VANGL1: variants seen among roughly 807,000 people sequenced by gnomAD.
The protein encoded by VANGL1 is vang-like protein 1.
In VANGL1, 18 loss-of-function variants were observed where a neutral mutation model predicts 48.4. The ratio of observed to expected loss-of-function variants is 0.37; its 90% confidence interval spans 0.26 to 0.55. VANGL1 has a LOEUF of 0.55. Ranked by LOEUF, VANGL1 falls within the 20% of genes least tolerant of loss-of-function variation. The pLI is 0.81. For missense variants in VANGL1, 667 were observed against 675.8 expected (o/e 0.99, Z 0.14); for synonymous variants, 257 against 261.8 (o/e 0.98, Z 0.18).
chr1:115,656,890 C>T (rs1047882675), intron 2 of VANGL1, among the ~76,000 whole-genome samples: 1 of 152,192 alleles, frequency 6.6e-6, no homozygotes, highest in African/African-American at 2.4e-5. Flanking sequence ...ACCCATGGGA[C>T]TAGTGAATAG....
At chr1:115,644,222 G>A (rs142063676) in intron 1 of VANGL1, among the ~76,000 whole-genome samples, 7 of 152,344 alleles carry the variant, frequency 4.6e-5, no homozygotes, top group Admixed American at 2.6e-4. Context: ...CCTGGCTCCT[G>A]TGGCAGTCTG....
rs929590997 is a variant in VANGL1, at chr1:115,698,157, T to C, written c.*6778T>C. The C allele has an allele frequency of 6.6e-6, 1 of 152,240 alleles. No homozygotes were observed. The highest frequency in any genetic ancestry group is 1.5e-5 in the Non-Finnish European group (1 of 68,050). The allele number at this position is 152,240 out of a possible 1,614,324, so 9.4% of individuals were successfully genotyped here. A position where few individuals can be genotyped will look rare whatever the true frequency, so the allele number is the denominator to read the frequency against. On this transcript the variant is annotated 3_prime_UTR_variant, in exon 8 of 8. Coordinates refer to ENST00000355485, the MANE Select transcript of VANGL1 (RefSeq NM_138959.3). ...TAATCCCCCCCTCATCCCAATTAACTGTAAAATGTTTTACACATCACATTT... is the reference window on the plus strand; with the variant it reads ...TAATCCCCCCCTCATCCCAATTAACCGTAAAATGTTTTACACATCACATTT...
chr1:115,674,116 C>A (rs183726316), intron 4 of VANGL1, among the ~76,000 whole-genome samples: 1 of 152,304 alleles, frequency 6.6e-6, no homozygotes, highest in East Asian at 1.9e-4. Context: ...AGGATTAACA[C>A]CAGCCTGTTT....
rs367774972 is a variant in VANGL1 at position 115,682,490 on chromosome 1, T to G, written c.939T>G (p.Asn313Lys). The change falls in exon 5 of 8, where the codon AAT becomes AAG. Residue 313 changes from asparagine (N) to lysine (K), a missense_variant. By Grantham distance (94) the Asn-to-Lys change is moderately conservative. Transcript: ENST00000355485. ...ATATGGCCGGGCTGAAAGTCTACAA[T>G]GTAGATGGTATGTGCCTTGAAAGGG... ...AKHMAGLKVY[N>K]VDGPSNNATG... The G allele has an allele frequency of 2.8e-5, 46 of 1,614,038 alleles. No homozygotes were observed. In the African/African-American group the frequency reaches 5.3e-4, roughly 19 times the overall value.
intron 4 of VANGL1, 147 bp from the exon 5 acceptor site, chr1:115,682,217 C>A: frequency 8.5e-7 from 1 of 1,170,322 alleles, no homozygotes; most frequent in Non-Finnish European, 1.2e-6. Flanking sequence ...TCCTGGAGAC[C>A]AGAAGTGTGG....
At position 115,666,591 on chromosome 1, in the gene VANGL1, A is replaced by C. The variant is rs78711520; in HGVS notation, c.812+2323A>C. Among the ~76,000 whole-genome samples the C allele has an allele frequency of 6.9e-3, 1,056 of 152,232 alleles. 9 individuals are homozygous for C. Among genetic ancestry groups the C allele is most frequent in the African/African-American group, 0.024 (1,006 of 41,542 alleles). On this transcript the variant is annotated intron_variant, in intron 4 of 7. Coordinates refer to ENST00000355485, the MANE Select transcript of VANGL1 (RefSeq NM_138959.3). ...GTCCAGGCTTTAAAAAACTCAAGTC[A>C]GTCACCCCAGCTCCCCAGGGAGAAC...
At chr1:115,667,874 A>G (rs1402766627) in intron 4 of VANGL1, among the ~76,000 whole-genome samples, 1 of 152,268 alleles carries the variant, frequency 6.6e-6, no homozygotes, top group Non-Finnish European at 1.5e-5. Flanking sequence ...CTAAAGGGAA[A>G]TAAGTGTGAA....
intron 7 of VANGL1, among the ~76,000 whole-genome samples, chr1:115,688,813 G>A (rs55646107): frequency 0.22 from 27,393 of 125,486 alleles, 6,542 homozygotes; most frequent in East Asian, 0.29. Flanking sequence ...TCTTTGAGAC[G>A]GAGTCTCACT....
At chr1:115,654,356 G>A (rs1652263827) in intron 2 of VANGL1, among the ~76,000 whole-genome samples, 1 of 151,834 alleles carries the variant, frequency 6.6e-6, no homozygotes, top group African/African-American at 2.4e-5. Context: ...TCAGTGGCCT[G>A]GTTTTGCGAT....
chr1:115,651,260 T>A lies in VANGL1; in HGVS notation c.-137-17T>A. On this transcript the variant is annotated splice_polypyrimidine_tract_variant and intron_variant, in intron 1 of 7. Transcript: ENST00000355485. ...GCTCTGAAGATTAATGTCTTTTTTTTTCCCCCTCTTTCCCAGAATTTGTTC... is the reference window on the plus strand; with the variant it reads ...GCTCTGAAGATTAATGTCTTTTTTTATCCCCCTCTTTCCCAGAATTTGTTC... 1 of 661,496 alleles carries A rather than the reference T, an allele frequency of 1.5e-6. No individual in the cohort carries two copies. 41.0% of individuals were successfully genotyped at this position (661,496 alleles called of 1,614,324 possible).
chr1:115,690,154 A>G (rs1653779025), intron 7 of VANGL1, among the ~76,000 whole-genome samples: 1 of 85,722 alleles, frequency 1.2e-5, no homozygotes, highest in African/African-American at 4.6e-5. Flanking sequence ...GAAACAAAAC[A>G]TACTTCCTGC....
intron 2 of VANGL1, among the ~76,000 whole-genome samples, chr1:115,657,013 T>A (rs1167055726): frequency 6.6e-6 from 1 of 152,234 alleles, no homozygotes; most frequent in Non-Finnish European, 1.5e-5. Flanking sequence ...ATTGTCCATC[T>A]GGCCGATGGC....
rs1651752506 is a variant in VANGL1, at chr1:115,642,048, G to T, written c.-176G>T. The T allele has an allele frequency of 6.6e-6, 1 of 151,506 alleles. No individual in the cohort carries two copies. Among genetic ancestry groups the T allele is most frequent in the South Asian group, 2.0e-4 (1 of 5,084 alleles). The allele number at this position is 151,506 out of a possible 1,614,324, so 9.4% of individuals were successfully genotyped here. On this transcript the variant is annotated 5_prime_UTR_variant, in exon 1 of 8. Coordinates refer to ENST00000355485, the MANE Select transcript of VANGL1 (RefSeq NM_138959.3). Reference sequence around the variant, plus strand: ...CGCAGAGCCGGGGCCGCTGTGAGCCGAGACCGCGGGCCGCGGAGCTCGGGC... The same window carrying T: ...CGCAGAGCCGGGGCCGCTGTGAGCCTAGACCGCGGGCCGCGGAGCTCGGGC...
Position 115,689,541 on chromosome 1 carries a change from G to T in VANGL1, c.1315-1578G>T, listed in dbSNP as rs780602763. 3.6e-5 allele frequency among the ~76,000 whole-genome samples: 5 copies of T among 137,296 alleles called. 1 individual carries two copies. The highest frequency in any genetic ancestry group is 7.9e-5 in the Non-Finnish European group (5 of 62,936). The allele number at this position is 137,296 out of a possible 152,430, so 90.1% of individuals were successfully genotyped here. ...AATCCCAGCTACTCAGGAGACTGAG[G>T]CAGGAGAATTGCTTGAAACGGGAGG... On this transcript the variant is annotated intron_variant, in intron 7 of 7. Coordinates refer to ENST00000355485, the MANE Select transcript of VANGL1 (RefSeq NM_138959.3).
intron 3 of VANGL1, among the ~76,000 whole-genome samples, chr1:115,660,975 G>A (rs1000392615): frequency 2.0e-5 from 3 of 152,140 alleles, no homozygotes; most frequent in Non-Finnish European, 4.4e-5. Flanking sequence ...GTTTCCTCCT[G>A]GATGTGGGTT....
intron 4 of VANGL1, among the ~76,000 whole-genome samples, chr1:115,668,936 C>G (rs1652883321): frequency 6.6e-6 from 1 of 152,198 alleles, no homozygotes; most frequent in Non-Finnish European, 1.5e-5. Flanking sequence ...ACAGCCCTAT[C>G]CCACATTTAA....
intron 4 of VANGL1, among the ~76,000 whole-genome samples, chr1:115,677,048 C>T (rs539875658): frequency 6.6e-6 from 1 of 152,346 alleles, no homozygotes; most frequent in Admixed American, 6.5e-5. Flanking sequence ...TTGCACTGTG[C>T]GTGCCTCCTC....
rs930883920 is a variant in VANGL1 at position 115,683,970 on chromosome 1, T to G, written c.973T>G (p.Ser325Ala). ...DGPSNNATGQSRAMIAAAARR... is the reference protein window; with the variant it reads ...DGPSNNATGQARAMIAAAARR... ...CCCCAGTAACAATGCCACTGGCCAGTCCCGGGCCATGATTGCTGCAGCTGC... is the reference window on the plus strand; with the variant it reads ...CCCCAGTAACAATGCCACTGGCCAGGCCCGGGCCATGATTGCTGCAGCTGC... The change falls in exon 6 of 8, where the codon TCC becomes GCC. Residue 325 changes from serine to alanine, a missense_variant. Ser to Ala is a moderately conservative substitution (Grantham distance 99). Transcript: ENST00000355485. 1 of 1,613,724 alleles carries G rather than the reference T, an allele frequency of 6.2e-7. No individual in the cohort carries two copies. Among genetic ancestry groups the G allele is most frequent in the African/African-American group, 1.3e-5 (1 of 74,934 alleles).
At chr1:115,651,507 CACTT>C (rs1557762263) in intron 2 of VANGL1, 23 bp downstream of exon 2, 1 of 1,609,004 alleles carries the variant, frequency 6.2e-7, no homozygotes, top group Admixed American at 1.7e-5. Context: ...TTCATTATTA[CACTT>C]TTCCTTTTGG....
Sources: allele counts gnomAD v4.1 joint callset (sites outside exome capture counted in the v4.1 genomes callset), GRCh38; gene constraint gnomAD v4.1.1; transcripts MANE v1.5; gene names NCBI Gene and HGNC (gene_info 2026-07-23, HGNC 2026-07-21).